Variants in TBCD observed in about 807,000 individuals in gnomAD.
TBCD encodes the protein tubulin-specific chaperone D.
In TBCD, 105 loss-of-function variants were observed where a neutral mutation model predicts 169.3. That is an observed-to-expected ratio of 0.62 (90% CI 0.53 to 0.73). The LOEUF is 0.73. Ranked by LOEUF, TBCD falls within the 30% of genes least tolerant of loss-of-function variation. The probability of loss-of-function intolerance (pLI) is 0.00; values close to 1 mark genes in which losing one functional copy is unlikely to be tolerated. For synonymous variants in TBCD, 700 were observed against 643.9 expected, an observed-to-expected ratio of 1.09 and a Z score of -1.32; for missense variants, 1,444 against 1,600.1, an observed-to-expected ratio of 0.90 and a Z score of 1.66.
intron 2 of TBCD, among the ~76,000 whole-genome samples, chr17:82,760,519 T>A (rs1168956025): frequency 1.3e-5 from 2 of 152,234 alleles, no homozygotes; most frequent in Non-Finnish European, 1.5e-5. Flanking sequence ...CTATTTGTTA[T>A]GTGTTCTAAC....
At chr17:82,816,431 C>T (rs1408782192) in intron 13 of TBCD, among the ~76,000 whole-genome samples, 2 of 152,198 alleles carry the variant, frequency 1.3e-5, no homozygotes, top group African/African-American at 4.8e-5. Context: ...CCACGTTTAA[C>T]TTTCTAAGAA....
chr17:82,832,147 T>C lies in TBCD; in HGVS notation c.1318+17213T>C, dbSNP rs1228739898. On this transcript the variant is annotated intron_variant, in intron 13 of 38. Coordinates refer to ENST00000355528, the MANE Select transcript of TBCD (RefSeq NM_005993.5). This position sits in a 1 kb window ranked among gnomAD's most constrained non-coding sequence, Gnocchi z 4.9. ...GATGTCTTCCCTGGCAGAGCTGTGC[T>C]GAAGCTTCGAGTCGAAGGCAGAGAG... 4 of 1,614,222 alleles carry C rather than the reference T, an allele frequency of 2.5e-6. No homozygotes were observed. Among genetic ancestry groups the C allele is most frequent in the Non-Finnish European group, 3.4e-6 (4 of 1,180,046 alleles).
chr17:82,831,930 G>A lies in TBCD; in HGVS notation c.1318+16996G>A, dbSNP rs147504960. 6.1e-3 allele frequency: 9,874 copies of A among 1,614,188 alleles called. 879 individuals are homozygous for A. The Admixed American group carries it at 0.15, about 25-fold the overall frequency. On this transcript the variant is annotated intron_variant, in intron 13 of 38. Coordinates refer to ENST00000355528, the MANE Select transcript of TBCD (RefSeq NM_005993.5). The surrounding 1 kb of genome is among the most constrained non-coding windows in gnomAD (Gnocchi z 4.6). Reference sequence around the variant, plus strand: ...AAGCCAGTGTCTCGGGCGCCTCGGCGTTGTCTGGCCCCTTGAGTCTGTGCT... The same window carrying A: ...AAGCCAGTGTCTCGGGCGCCTCGGCATTGTCTGGCCCCTTGAGTCTGTGCT...
At position 82,874,553 on chromosome 17, in the gene TBCD, C is replaced by T. The variant is rs897855002; in HGVS notation, c.1475+4173C>T. Among the ~76,000 whole-genome samples, 4 of 152,204 alleles carry T rather than the reference C, an allele frequency of 2.6e-5. No homozygotes were observed. The highest frequency in any genetic ancestry group is 6.5e-5 in the Admixed American group (1 of 15,288). On this transcript the variant is annotated intron_variant, in intron 14 of 38. Coordinates refer to ENST00000355528, the MANE Select transcript of TBCD (RefSeq NM_005993.5). This position sits in a 1 kb window ranked among gnomAD's most constrained non-coding sequence, Gnocchi z 5.0. ...CCCCTCGCCCCTTTACCTGTGCCAT[C>T]CCGGCCGCAGACCCAAGGGTGCCCT...
In TBCD at chr17:82,805,950, C is replaced by G; in HGVS notation, c.1026C>G (p.Leu342=). The G allele has an allele frequency of 6.2e-7, 1 of 1,613,824 alleles. No homozygotes were observed. Among genetic ancestry groups the G allele is most frequent in the Non-Finnish European group, 8.5e-7 (1 of 1,179,792 alleles). The change falls in exon 10 of 39, where the codon CTC becomes CTG. Residue 342 remains leucine (L), a synonymous_variant. Coordinates refer to ENST00000355528, the MANE Select transcript of TBCD (RefSeq NM_005993.5). The stretch of plus-strand genomic sequence containing the variant: ...AGGGTCAGAGTGAGCAGAAGCCACT[C>G]ATCCTGACCGAAGATGACGACGAAG... ...LTQGQSEQKP[L]ILTEDDDEDD...
At chr17:82,798,187 C>T (rs2050249302) in intron 8 of TBCD, among the ~76,000 whole-genome samples, 1 of 149,462 alleles carries the variant, frequency 6.7e-6, no homozygotes, top group Non-Finnish European at 1.5e-5. Flanking sequence ...CTCTCTGTCG[C>T]CCAGGCTGGA....
intron 17 of TBCD, among the ~76,000 whole-genome samples, chr17:82,897,659 C>G (rs1426800966): frequency 6.6e-6 from 1 of 152,216 alleles, no homozygotes; most frequent in African/African-American, 2.4e-5. Context: ...ATGACCACCA[C>G]TGTGGTCAGT....
At chr17:82,906,913 T>C (rs1599430594) in intron 20 of TBCD, among the ~76,000 whole-genome samples, 1 of 152,202 alleles carries the variant, frequency 6.6e-6, no homozygotes, top group Non-Finnish European at 1.5e-5. Context: ...GCACATGGGG[T>C]GGGGTCTGGG....
In TBCD at chr17:82,752,094, C is replaced by A; in HGVS notation, c.-100C>A. The A allele has an allele frequency of 7.7e-7, 1 of 1,296,086 alleles. No individual in the cohort carries two copies. The highest frequency in any genetic ancestry group is 1.0e-6 in the Non-Finnish European group (1 of 1,000,738). 80.3% of individuals were successfully genotyped at this position (1,296,086 alleles called of 1,614,324 possible). A position where few individuals can be genotyped will look rare whatever the true frequency, so the allele number is the denominator to read the frequency against. On this transcript the variant is annotated 5_prime_UTR_variant, in exon 1 of 39. Transcript: ENST00000355528. ...GCGTCGGTTGCCGCCTTAGCGGGCG[C>A]CTCCTTTTCATCCCTCATCCTTCAT...
chr17:82,878,974 T>C (rs1198148511), intron 14 of TBCD, among the ~76,000 whole-genome samples: 1 of 152,190 alleles, frequency 6.6e-6, no homozygotes, highest in Admixed American at 6.5e-5. Context: ...AATCTAACAC[T>C]AACTATTGTT....
chr17:82,893,580 A>G lies in TBCD; in HGVS notation c.1597A>G (p.Thr533Ala). ...CCCTCATGGTATTGATATTTTGACC[A>G]CAGCTGACTATTTTGCCGTCGGTAA... Reference protein sequence around the residue: ...TFPHGIDILTTADYFAVGNRS... With the variant: ...TFPHGIDILTAADYFAVGNRS... The change falls in exon 17 of 39, where the codon ACA becomes GCA. Residue 533 changes from threonine (T) to alanine (A), a missense_variant. Coordinates refer to ENST00000355528, the MANE Select transcript of TBCD (RefSeq NM_005993.5). The G allele has an allele frequency of 1.2e-6, 2 of 1,612,256 alleles. No individual in the cohort carries two copies. Among genetic ancestry groups the G allele is most frequent in the Non-Finnish European group, 1.7e-6 (2 of 1,179,184 alleles).
intron 13 of TBCD, among the ~76,000 whole-genome samples, chr17:82,847,036 G>A (rs1194044378): frequency 1.3e-5 from 2 of 152,184 alleles, no homozygotes; most frequent in South Asian, 2.1e-4. Context: ...ACAGGTGGCC[G>A]AGGAGACATT....
Position 82,927,786 on chromosome 17 carries a change from G to GCT in TBCD, c.2610-116_2610-115dup, listed in dbSNP as rs369789852. The GCT allele has an allele frequency of 2.4e-5, 20 of 823,934 alleles. No homozygotes were observed. The African/African-American group carries it at 3.0e-4, about 12-fold the overall frequency. 51.0% of individuals were successfully genotyped at this position (823,934 alleles called of 1,614,324 possible). On this transcript the variant is annotated intron_variant, in intron 29 of 38. Transcript: ENST00000355528. ...CGTGACTCCCTGGCAGCGTGCCTGG[G>GCT]CTCTGTGTGGGGTTAGTCACGGGTG...
In TBCD at chr17:82,806,021, G is replaced by A. The variant is rs1423725431; in HGVS notation, c.1087+10G>A. ...GTGGAGCGTGTGATAGGTGCGTGGG[G>A]TCTAAGCGGCGGCCTCTGCTCTTGG... On this transcript the variant is annotated intron_variant, in intron 10 of 38. Coordinates refer to ENST00000355528, the MANE Select transcript of TBCD (RefSeq NM_005993.5). The surrounding 1 kb of genome is among the most constrained non-coding windows in gnomAD (Gnocchi z 5.1). The A allele has an allele frequency of 3.7e-6, 6 of 1,610,808 alleles. No individual in the cohort carries two copies. The highest frequency in any genetic ancestry group is 3.3e-5 in the South Asian group (3 of 91,030).
intron 14 of TBCD, chr17:82,876,914 C>T (rs996853167): frequency 1.0e-5 from 10 of 980,218 alleles, no homozygotes; most frequent in East Asian, 1.1e-4. Context: ...TGCTGTCAGC[C>T]GGTCTGACTG....
chr17:82,808,910 G>GAGGGGATAAGGCAGGTGC (rs2051222084), intron 11 of TBCD, among the ~76,000 whole-genome samples: 1 of 151,408 alleles, frequency 6.6e-6, no homozygotes, highest in Non-Finnish European at 1.5e-5. Flanking sequence ...AAGGCAGGTG[G>GAGGGGATAAGGCAGGTGC]AGGGGATAAG....
intron 22 of TBCD, among the ~76,000 whole-genome samples, chr17:82,910,792 C>T (rs1213348135): frequency 6.6e-6 from 1 of 152,198 alleles, no homozygotes; most frequent in Non-Finnish European, 1.5e-5. Flanking sequence ...TCTTGCACTC[C>T]TGACCTGAAG....
chr17:82,906,827 G>A (rs918937595), intron 20 of TBCD, among the ~76,000 whole-genome samples: 3 of 152,260 alleles, frequency 2.0e-5, no homozygotes, highest in Non-Finnish European at 4.4e-5. Flanking sequence ...CTTCAGGGAC[G>A]CTCGCTCGTG....
chr17:82,756,232 C>G lies in TBCD; in HGVS notation c.235+17C>G. 3 of 1,603,608 alleles carry G rather than the reference C, an allele frequency of 1.9e-6. No individual in the cohort carries two copies. The highest frequency in any genetic ancestry group is 2.7e-5 in the African/African-American group (2 of 74,848). The stretch of plus-strand genomic sequence containing the variant: ...CGCACCTTGGTAAGAATAGAAGCTG[C>G]TGATTTTGATCATTCAGTTACAGAT... On this transcript the variant is annotated intron_variant, in intron 2 of 38. Transcript: ENST00000355528.
Sources: allele counts gnomAD v4.1 joint callset (sites outside exome capture counted in the v4.1 genomes callset), GRCh38; gene constraint gnomAD v4.1.1; non-coding constraint Gnocchi (gnomAD v3.1); transcripts MANE v1.5; gene names NCBI Gene and HGNC (gene_info 2026-07-23, HGNC 2026-07-21).